Variants in RNLS observed in about 807,000 individuals in gnomAD.
RNLS encodes renalase.
In RNLS, 39 loss-of-function variants were observed where a neutral mutation model predicts 39.8. The ratio of observed to expected loss-of-function variants is 0.98; its 90% CI spans 0.76 to 1.28. RNLS has a LOEUF of 1.28. Ranked by LOEUF, RNLS falls within the 50% of genes most tolerant of loss-of-function variation. The probability of loss-of-function intolerance (pLI) is 0.00; values close to 1 mark genes in which losing one functional copy is unlikely to be tolerated. For missense variants in RNLS, 410 were observed against 413.3 expected, an observed-to-expected ratio of 0.99 and a Z score of 0.07; for synonymous variants, 147 against 150.7, an observed-to-expected ratio of 0.98 and a Z score of 0.18.
chr10:88,432,147 G>T (rs986989813), intron 4 of RNLS, among the ~76,000 whole-genome samples: 4 of 151,444 alleles, frequency 2.6e-5, no homozygotes, highest in Non-Finnish European at 5.9e-5. Context: ...TTGGTAATTA[G>T]GTATACATGT....
chr10:88,258,626 CCTT>C, the RNLS span, among the ~76,000 whole-genome samples: 2 of 152,144 alleles, frequency 1.3e-5, no homozygotes, highest in Non-Finnish European at 2.9e-5. Context: ...AACAAACATT[CCTT>C]CTTCTCTTTT....
At chr10:88,347,292 T>G (rs552081424) in intron 5 of RNLS, among the ~76,000 whole-genome samples, 1 of 152,136 alleles carries the variant, frequency 6.6e-6, no homozygotes, top group Non-Finnish European at 1.5e-5. Flanking sequence ...CAGACCACAG[T>G]AAGGACTTAA....
intron 4 of RNLS, among the ~76,000 whole-genome samples, chr10:88,463,407 A>G (rs1843037391): frequency 6.6e-6 from 1 of 152,020 alleles, no homozygotes; most frequent in South Asian, 2.1e-4. Flanking sequence ...TTTCCCCAAA[A>G]TCCTCAGAAG....
chr10:88,253,794 C>A, the RNLS span, among the ~76,000 whole-genome samples: 4 of 152,290 alleles, frequency 2.6e-5, no homozygotes, highest in African/African-American at 9.6e-5. Flanking sequence ...TTCCTGCCCC[C>A]CTCCCTCCCC....
chr10:88,537,808 A>G (rs1847844670), intron 4 of RNLS, among the ~76,000 whole-genome samples: 2 of 152,154 alleles, frequency 1.3e-5, no homozygotes, highest in African/African-American at 2.4e-5. Context: ...TTTTTGTTCA[A>G]TTTGTAAAAA....
intron 4 of RNLS, among the ~76,000 whole-genome samples, chr10:88,464,399 T>C (rs1843094049): frequency 6.6e-6 from 1 of 152,122 alleles, no homozygotes; most frequent in South Asian, 2.1e-4. Context: ...AGAGCTAATA[T>C]TTTGTTGTCC....
chr10:88,447,024 G>T (rs551328738), intron 4 of RNLS, among the ~76,000 whole-genome samples: 3 of 152,292 alleles, frequency 2.0e-5, no homozygotes, highest in Non-Finnish European at 2.9e-5. Flanking sequence ...AAAACAATAA[G>T]AGCTATTTAT....
intron 4 of RNLS, among the ~76,000 whole-genome samples, chr10:88,402,395 C>T (rs530677006): frequency 2.0e-5 from 3 of 151,420 alleles, no homozygotes; most frequent in South Asian, 2.1e-4. Context: ...GAAATATGAT[C>T]GATATTACAC....
the RNLS span, among the ~76,000 whole-genome samples, chr10:88,246,153 C>T: frequency 5.9e-5 from 9 of 152,154 alleles, no homozygotes; most frequent in Admixed American, 1.3e-4. Flanking sequence ...CAGTGCAAAG[C>T]GGCTTCCTCA....
rs767074766 is a variant in RNLS, at chr10:88,556,170, A to C, written c.526+16733T>G. ...GACAACTCTGTTTTTGCAATTATTC[A>C]ATCCCAAAACAGTGATTTCACTCTG... On this transcript the variant is annotated intron_variant, in intron 4 of 6. Transcript: ENST00000331772. Among the ~76,000 whole-genome samples, 75 of 152,092 alleles carry C rather than the reference A, an allele frequency of 4.9e-4. 1 individual carries two copies. Among genetic ancestry groups the C allele is most frequent in the Non-Finnish European group, 1.5e-4 (10 of 68,016 alleles).
intron 4 of RNLS, among the ~76,000 whole-genome samples, chr10:88,391,957 G>A (rs1047880183): frequency 1.1e-4 from 16 of 152,200 alleles, no homozygotes; most frequent in South Asian, 2.1e-4. Context: ...GGCAGCCCCC[G>A]GAGGGGATAG....
chr10:88,404,813 A>T (rs1422473651), intron 4 of RNLS, among the ~76,000 whole-genome samples: 3 of 152,082 alleles, frequency 2.0e-5, no homozygotes, highest in African/African-American at 7.2e-5. Context: ...AATACAGTGT[A>T]CTTGGGAATG....
chr10:88,367,389 ATGTAGT>A (rs1212107880), intron 4 of RNLS, among the ~76,000 whole-genome samples: 3 of 152,120 alleles, frequency 2.0e-5, no homozygotes, highest in East Asian at 1.9e-4. Context: ...ATGTTGTTAG[ATGTAGT>A]TGTAGTTAAT....
At chr10:88,522,552 C>T (rs1316793277) in intron 4 of RNLS, among the ~76,000 whole-genome samples, 2 of 151,992 alleles carry the variant, frequency 1.3e-5, no homozygotes, top group Non-Finnish European at 2.9e-5. Flanking sequence ...AAGATTTATA[C>T]AAAAATATTT....
At chr10:88,447,268 C>T (rs1045239277) in intron 4 of RNLS, among the ~76,000 whole-genome samples, 7 of 152,132 alleles carry the variant, frequency 4.6e-5, no homozygotes, top group South Asian at 4.1e-4. Context: ...AAAACCCCAT[C>T]GTCTTACCAC....
intron 4 of RNLS, among the ~76,000 whole-genome samples, chr10:88,444,515 A>G (rs1483725184): frequency 6.6e-6 from 1 of 152,184 alleles, no homozygotes; most frequent in Non-Finnish European, 1.5e-5. Context: ...AGACGATCAA[A>G]CTTCTCCAAG....
intron 4 of RNLS, among the ~76,000 whole-genome samples, chr10:88,420,687 G>T (rs1854352817): frequency 6.6e-6 from 1 of 152,170 alleles, no homozygotes. Flanking sequence ...AATTACATCT[G>T]CTAAGACAAT....
intron 5 of RNLS, among the ~76,000 whole-genome samples, chr10:88,353,123 C>T (rs993750800): frequency 1.3e-5 from 2 of 152,062 alleles, no homozygotes; most frequent in Non-Finnish European, 2.9e-5. Flanking sequence ...AGCGGTCTAT[C>T]AATTTTGCTG....
chr10:88,388,307 C>A (rs1219282405), intron 4 of RNLS, among the ~76,000 whole-genome samples: 1 of 152,186 alleles, frequency 6.6e-6, no homozygotes, highest in Non-Finnish European at 1.5e-5. Context: ...TGAGCCACTG[C>A]AATAACTTGC....
Sources: allele counts gnomAD v4.1 joint callset (sites outside exome capture counted in the v4.1 genomes callset), GRCh38; gene constraint gnomAD v4.1.1; transcripts MANE v1.5; gene names NCBI Gene and HGNC (gene_info 2026-07-23, HGNC 2026-07-21).